The following TSHZ2 variants were observed in gnomAD, a reference collection of about 807,000 sequenced individuals.
TSHZ2 encodes the protein teashirt homolog 2.
A neutral mutation model predicts 74.4 loss-of-function variants in TSHZ2; 21 were observed. The observed-to-expected ratio is 0.28, with a 90% CI of 0.20 to 0.41. The LOEUF (loss-of-function observed/expected upper bound fraction) is 0.41. TSHZ2 is among the 10% of genes least tolerant of loss of function. TSHZ2 has a pLI of 1.00. For missense variants in TSHZ2, 1,244 were observed against 1,293.5 expected (o/e 0.96, Z 0.59); for synonymous variants, 540 against 515.3 (o/e 1.05, Z -0.65).
intron 2 of TSHZ2, among the ~76,000 whole-genome samples, chr20:53,296,681 T>C (rs1991386744): frequency 6.6e-6 from 1 of 152,218 alleles, no homozygotes. Flanking sequence ...GAAACTTCTT[T>C]ATATTTTTGG....
At chr20:53,037,185 T>G (rs1022874249) in intron 1 of TSHZ2, among the ~76,000 whole-genome samples, 6 of 152,216 alleles carry the variant, frequency 3.9e-5, no homozygotes, top group Admixed American at 6.5e-5. Flanking sequence ...TAATTGCCAG[T>G]GTCACCCTTG....
intron 1 of TSHZ2, among the ~76,000 whole-genome samples, chr20:53,094,369 T>G (rs1282398065): frequency 3.3e-5 from 5 of 152,158 alleles, no homozygotes; most frequent in African/African-American, 7.2e-5. Context: ...ACTAAAAACA[T>G]CTTGTCTGCC....
At chr20:53,137,390 C>T (rs1415312109) in intron 1 of TSHZ2, among the ~76,000 whole-genome samples, 1 of 151,064 alleles carries the variant, frequency 6.6e-6, no homozygotes, top group East Asian at 1.9e-4. Context: ...GAATTCAGCT[C>T]CTGCAGGTTA....
chr20:53,076,638 G>T (rs1985371574), intron 1 of TSHZ2, among the ~76,000 whole-genome samples: 1 of 152,202 alleles, frequency 6.6e-6, no homozygotes, highest in African/African-American at 2.4e-5. Context: ...GAAAAAAACA[G>T]CACTAAATTA....
intron 2 of TSHZ2, among the ~76,000 whole-genome samples, chr20:53,442,415 T>TGTC (rs1984370435): frequency 6.6e-6 from 1 of 152,148 alleles, no homozygotes; most frequent in African/African-American, 2.4e-5. Flanking sequence ...GAAGCTGCAC[T>TGTC]GTCTAATTTT....
At chr20:53,197,036 G>A (rs191264089) in intron 1 of TSHZ2, among the ~76,000 whole-genome samples, 11 of 152,112 alleles carry the variant, frequency 7.2e-5, no homozygotes, top group African/African-American at 2.4e-4. Flanking sequence ...CTCCATAATC[G>A]GTAATTTTTC....
At position 52,987,593 on chromosome 20, in the gene TSHZ2, CAAAGTTGTTTG is replaced by C. The variant is rs536462560; in HGVS notation, c.40+14262_40+14272del. On this transcript the variant is annotated intron_variant, in intron 1 of 2. Coordinates refer to ENST00000371497, the MANE Select transcript of TSHZ2 (RefSeq NM_173485.6). ...AGCACTTATATTTTAAAAGTTGTTT[CAAAGTTGTTTG>C]AGGGGTCCATTTTCACTTGTGGCTT... Among the ~76,000 whole-genome samples, 745 of 151,466 alleles carry C rather than the reference CAAAGTTGTTTG, an allele frequency of 4.9e-3. 1 individual carries two copies. Among genetic ancestry groups the C allele is most frequent in the Non-Finnish European group, 6.7e-3 (452 of 67,904 alleles).
At chr20:53,185,214 C>T (rs1988571807) in intron 1 of TSHZ2, 2 of 987,468 alleles carry the variant, frequency 2.0e-6, no homozygotes, top group Admixed American at 6.0e-5. Context: ...GAGCTTTTTA[C>T]TGTCATTTAG....
At chr20:53,034,115 T>C (rs1012262662) in intron 1 of TSHZ2, among the ~76,000 whole-genome samples, 5 of 152,170 alleles carry the variant, frequency 3.3e-5, no homozygotes, top group African/African-American at 9.7e-5. Flanking sequence ...ACTATATTAA[T>C]AATACACTGT....
At chr20:53,085,109 C>G (rs1312378517) in intron 1 of TSHZ2, among the ~76,000 whole-genome samples, 2 of 151,954 alleles carry the variant, frequency 1.3e-5, no homozygotes, top group African/African-American at 4.8e-5. Flanking sequence ...GACTGTAATC[C>G]CAATACTTTG....
chr20:52,996,888 C>A (rs930800786), intron 1 of TSHZ2, among the ~76,000 whole-genome samples: 6 of 152,128 alleles, frequency 3.9e-5, no homozygotes, highest in African/African-American at 1.4e-4. Flanking sequence ...GAAAACATTC[C>A]TGGTTAGTAG....
At chr20:53,190,117 AT>A (rs1988697632) in intron 1 of TSHZ2, among the ~76,000 whole-genome samples, 6 of 84,280 alleles carry the variant, frequency 7.1e-5, no homozygotes, top group African/African-American at 2.8e-4. Flanking sequence ...ATATATATAT[AT>A]ATATATATAT....
intron 1 of TSHZ2, among the ~76,000 whole-genome samples, chr20:53,200,659 T>C (rs919236952): frequency 6.6e-6 from 1 of 152,158 alleles, no homozygotes; most frequent in Non-Finnish European, 1.5e-5. Context: ...TTTGTTTGTT[T>C]GTTTGTTTGT....
chr20:53,461,719 C>A (rs938996806), intron 2 of TSHZ2, among the ~76,000 whole-genome samples: 1 of 152,206 alleles, frequency 6.6e-6, no homozygotes, highest in Non-Finnish European at 1.5e-5. Flanking sequence ...ACATCCCATT[C>A]TCTTCTGAGA....
At chr20:53,113,578 T>C (rs533170512) in intron 1 of TSHZ2, among the ~76,000 whole-genome samples, 1 of 152,268 alleles carries the variant, frequency 6.6e-6, no homozygotes, top group Non-Finnish European at 1.5e-5. Context: ...TAGGAGTAAA[T>C]AGAACTGTTT....
intron 1 of TSHZ2, among the ~76,000 whole-genome samples, chr20:52,980,427 G>A (rs115888423): frequency 0.075 from 9,006 of 119,506 alleles, 842 homozygotes; most frequent in African/African-American, 0.25. Context: ...TGGGTTTGAA[G>A]AAAAAAAAAA....
chr20:52,983,737 CT>C (rs1459739397), intron 1 of TSHZ2, among the ~76,000 whole-genome samples: 3 of 152,236 alleles, frequency 2.0e-5, no homozygotes, highest in Non-Finnish European at 4.4e-5. Context: ...AGTGATATCC[CT>C]TTGTGCGGTA....
chr20:53,022,051 A>T (rs1015499775), intron 1 of TSHZ2, among the ~76,000 whole-genome samples: 1 of 152,212 alleles, frequency 6.6e-6, no homozygotes, highest in Non-Finnish European at 1.5e-5. Context: ...ATGAAGGAGC[A>T]GATCAGTTGT....
At chr20:53,013,893 C>T (rs888471786) in intron 1 of TSHZ2, among the ~76,000 whole-genome samples, 4 of 152,134 alleles carry the variant, frequency 2.6e-5, no homozygotes, top group South Asian at 2.1e-4. Flanking sequence ...TGCCAGGCAG[C>T]GTTGAATCCA....
Sources: gnomAD v4.1 joint callset for allele counts (sites outside exome capture counted in the v4.1 genomes callset) on GRCh38, gnomAD v4.1.1 for gene constraint, MANE v1.5 for transcripts, NCBI Gene and HGNC (gene_info 2026-07-23, HGNC 2026-07-21) for gene names.